Variants in PRKCE observed in about 807,000 individuals in gnomAD.
The protein encoded by PRKCE is protein kinase C epsilon type.
Under a neutral mutation model 85.4 loss-of-function variants are expected in PRKCE, and 16 were observed. The ratio of observed to expected loss-of-function variants is 0.19; its 90% confidence interval spans 0.13 to 0.28. The LOEUF (loss-of-function observed/expected upper bound fraction) is 0.28, where lower values mean the gene tolerates loss of function less well. Among genes scored for constraint, PRKCE ranks in the 10% least tolerant of loss-of-function variants. The pLI is 1.00. For synonymous variants in PRKCE, 388 were observed against 371.5 expected, an observed-to-expected ratio of 1.04 and a Z score of -0.51; for missense variants, 573 against 975.2, an observed-to-expected ratio of 0.59 and a Z score of 5.49.
intron 1 of PRKCE, among the ~76,000 whole-genome samples, chr2:45,681,240 G>A (rs529845781): frequency 8.3e-5 from 10 of 119,990 alleles, no homozygotes; most frequent in Admixed American, 5.8e-4. Flanking sequence ...AGTGAGCCGA[G>A]ATCACCCCAC....
chr2:45,982,513 G>C (rs1487063339), intron 5 of PRKCE, among the ~76,000 whole-genome samples: 1 of 152,134 alleles, frequency 6.6e-6, no homozygotes, highest in Admixed American at 6.5e-5. Context: ...TCCAGGTGTG[G>C]TAACCAAACA....
chr2:45,916,455 G>A (rs1343766243), intron 2 of PRKCE, among the ~76,000 whole-genome samples: 1 of 151,942 alleles, frequency 6.6e-6, no homozygotes, highest in Non-Finnish European at 1.5e-5. Flanking sequence ...CTGTTGCCCA[G>A]GATGGTCTTT....
intron 1 of PRKCE, among the ~76,000 whole-genome samples, chr2:45,719,338 T>C (rs1213651071): frequency 1.3e-5 from 2 of 152,268 alleles, no homozygotes; most frequent in African/African-American, 4.8e-5. Context: ...ACTGGATTAA[T>C]CTTACAGTTT....
intron 2 of PRKCE, among the ~76,000 whole-genome samples, chr2:45,903,887 T>TTTTTG (rs1553445440): frequency 0.024 from 2,430 of 102,646 alleles, 55 homozygotes; most frequent in South Asian, 0.068. Context: ...GGCAGTTTTT[T>TTTTTG]TTTGTTTGTT....
At chr2:45,716,564 A>AAAGAAAGG (rs925036044) in intron 1 of PRKCE, among the ~76,000 whole-genome samples, 10 of 150,048 alleles carry the variant, frequency 6.7e-5, no homozygotes, top group African/African-American at 1.9e-4. Flanking sequence ...GAAGAAAAAG[A>AAAGAAAGG]AAGAAAGGAA....
intron 2 of PRKCE, among the ~76,000 whole-genome samples, chr2:45,860,730 C>T (rs1693090119): frequency 6.6e-6 from 1 of 152,078 alleles, no homozygotes; most frequent in Non-Finnish European, 1.5e-5. Context: ...CCCACTTTGG[C>T]CAGTGCTCTC....
intron 1 of PRKCE, among the ~76,000 whole-genome samples, chr2:45,833,083 C>T (rs559603269): frequency 1.2e-4 from 17 of 147,088 alleles, no homozygotes; most frequent in African/African-American, 2.5e-4. Flanking sequence ...TTTGGGAGGC[C>T]GAGGTGGAAG....
At chr2:45,964,429 C>G (rs890905170) in intron 2 of PRKCE, among the ~76,000 whole-genome samples, 1 of 152,204 alleles carries the variant, frequency 6.6e-6, no homozygotes, top group African/African-American at 2.4e-5. Flanking sequence ...CTGGTCCCAC[C>G]CTTGGCTGGT....
Position 45,804,552 on chromosome 2 carries a change from A to T in PRKCE, c.349-38448A>T, listed in dbSNP as rs1331570002. Among the ~76,000 whole-genome samples, 4 of 152,060 alleles carry T rather than the reference A, an allele frequency of 2.6e-5. No homozygotes were observed. In the East Asian group the frequency reaches 7.7e-4, roughly 29 times the overall value. ...CTGAAGTATGTGGGTAGCAGAAGGA[A>T]CAAGCTCTGGGAAAATCTCTACAGG... is the stretch of plus-strand genomic sequence containing the variant. On this transcript the variant is annotated intron_variant, in intron 1 of 14. Coordinates refer to ENST00000306156, the MANE Select transcript of PRKCE (RefSeq NM_005400.3).
At chr2:45,795,471 G>A (rs1228047123) in intron 1 of PRKCE, among the ~76,000 whole-genome samples, 1 of 152,034 alleles carries the variant, frequency 6.6e-6, no homozygotes, top group Non-Finnish European at 1.5e-5. Context: ...ACCACGCCTG[G>A]CTAATTTTGT....
At chr2:45,992,582 T>C (rs377687704) in intron 6 of PRKCE, among the ~76,000 whole-genome samples, 10 of 152,226 alleles carry the variant, frequency 6.6e-5, no homozygotes, top group African/African-American at 2.4e-4. Context: ...CTGGAACCTG[T>C]TATGAAATCA....
chr2:45,704,334 G>A (rs978988303), intron 1 of PRKCE, among the ~76,000 whole-genome samples: 1 of 152,262 alleles, frequency 6.6e-6, no homozygotes, highest in Non-Finnish European at 1.5e-5. Flanking sequence ...TGAATATTCT[G>A]TACCTTCTGT....
intron 1 of PRKCE, among the ~76,000 whole-genome samples, chr2:45,658,111 G>A (rs969972470): frequency 3.7e-4 from 56 of 152,130 alleles, no homozygotes; most frequent in African/African-American, 1.3e-3. Context: ...ACTACTAAGG[G>A]GGTAAGGAGG....
In PRKCE at chr2:45,774,226, G is replaced by C. The variant is rs531214453; in HGVS notation, c.349-68774G>C. ...CCCCTGTGGTCAGGGCCTGCGACTG[G>C]TGAGGTTCTAAGGCCTCCCCTCTCT... On this transcript the variant is annotated intron_variant, in intron 1 of 14. Coordinates refer to ENST00000306156, the MANE Select transcript of PRKCE (RefSeq NM_005400.3). The surrounding 1 kb of genome is among the most constrained non-coding windows in gnomAD (Gnocchi z 4.3). Among the ~76,000 whole-genome samples, 4 of 152,232 alleles carry C rather than the reference G, an allele frequency of 2.6e-5. No homozygotes were observed. In the East Asian group the frequency reaches 7.8e-4, roughly 30 times the overall value.
At chr2:45,935,953 C>A (rs1045026523) in intron 2 of PRKCE, among the ~76,000 whole-genome samples, 1 of 152,198 alleles carries the variant, frequency 6.6e-6, no homozygotes, top group African/African-American at 2.4e-5. Context: ...CCTTGCAGTG[C>A]CTGGTGATGG....
Position 46,184,673 on chromosome 2 carries a change from C to A in PRKCE, c.2068-62C>A. 6.3e-7 allele frequency: 1 copy of A among 1,575,928 alleles called. No individual in the cohort carries two copies. Among genetic ancestry groups the A allele is most frequent in the South Asian group, 1.2e-5 (1 of 85,560 alleles). On this transcript the variant is annotated intron_variant, in intron 14 of 14. Coordinates refer to ENST00000306156, the MANE Select transcript of PRKCE (RefSeq NM_005400.3). This position sits in a 1 kb window ranked among gnomAD's most constrained non-coding sequence, Gnocchi z 5.0. The stretch of plus-strand genomic sequence containing the variant: ...GCTGGTCAGTGCGGTGCCCACTCCC[C>A]ATGGGGGGCCCTCAGGAGGGAGAGC...
intron 1 of PRKCE, among the ~76,000 whole-genome samples, chr2:45,771,889 C>T (rs1035871437): frequency 3.9e-5 from 6 of 152,128 alleles, no homozygotes; most frequent in Non-Finnish European, 5.9e-5. Flanking sequence ...GCTGGATCTG[C>T]ATGTGTCATT....
intron 10 of PRKCE, among the ~76,000 whole-genome samples, chr2:46,051,005 C>G (rs1362279604): frequency 1.3e-5 from 2 of 152,202 alleles, no homozygotes; most frequent in African/African-American, 2.4e-5. Flanking sequence ...CCCACTCCCT[C>G]ACCCCCAAAT....
In PRKCE at chr2:46,122,893, T is replaced by TG. The variant is rs1249321487; in HGVS notation, c.1593-22200_1593-22199insG. On this transcript the variant is annotated intron_variant, in intron 11 of 14. Coordinates refer to ENST00000306156, the MANE Select transcript of PRKCE (RefSeq NM_005400.3). ...CACAACAGTCTGGGTTTTTTTTTTT[T>TG]TTTTTTTTTTTAGCAGTACACCAAC... is the stretch of plus-strand genomic sequence containing the variant. Among the ~76,000 whole-genome samples, 32 of 149,820 alleles carry TG rather than the reference T, an allele frequency of 2.1e-4. No individual in the cohort carries two copies. In the Middle Eastern group the frequency reaches 0.014, roughly 64 times the overall value.
Sources: gnomAD v4.1 joint callset for allele counts (sites outside exome capture counted in the v4.1 genomes callset) on GRCh38, gnomAD v4.1.1 for gene constraint, Gnocchi (gnomAD v3.1) non-coding constraint, MANE v1.5 for transcripts, NCBI Gene and HGNC (gene_info 2026-07-23, HGNC 2026-07-21) for gene names.